Variants in UBE2E2 observed in about 807,000 individuals in gnomAD.
UBE2E2 encodes the protein ubiquitin-conjugating enzyme E2 E2.
A neutral mutation model predicts 24.7 loss-of-function variants in UBE2E2; 6 were observed. The ratio of observed to expected loss-of-function variants is 0.24; its 90% CI spans 0.13 to 0.48. UBE2E2 has a LOEUF of 0.48. Among genes scored for constraint, UBE2E2 ranks in the 20% least tolerant of loss-of-function variants. The probability of loss-of-function intolerance (pLI) is 0.99; values close to 1 mark genes in which losing one functional copy is unlikely to be tolerated. For missense variants in UBE2E2, 169 were observed against 245.0 expected, an observed-to-expected ratio of 0.69 and a Z score of 2.07; for synonymous variants, 104 against 83.6, an observed-to-expected ratio of 1.24 and a Z score of -1.33.
intron 5 of UBE2E2, among the ~76,000 whole-genome samples, chr3:23,555,480 TA>T (rs1695754992): frequency 6.6e-6 from 1 of 151,946 alleles, no homozygotes; most frequent in Admixed American, 6.6e-5. Context: ...CCTAAAGAAA[TA>T]AAAAATGGAC....
chr3:23,210,666 T>C (rs892129047), intron 2 of UBE2E2, among the ~76,000 whole-genome samples: 2 of 149,774 alleles, frequency 1.3e-5, no homozygotes, highest in Admixed American at 6.6e-5. Context: ...TTAGAGATAA[T>C]GTATGTGCAG....
intron 3 of UBE2E2, among the ~76,000 whole-genome samples, chr3:23,344,427 G>A (rs1422016968): frequency 6.6e-6 from 1 of 152,042 alleles, no homozygotes; most frequent in African/African-American, 2.4e-5. Flanking sequence ...GTAATTTGGG[G>A]CAGATTTTAT....
chr3:23,324,272 G>A (rs9849679), intron 3 of UBE2E2, among the ~76,000 whole-genome samples: 127,781 of 152,130 alleles, frequency 0.84, 53,773 homozygotes, highest in African/African-American at 0.9. Context: ...TATAAAATAC[G>A]AATTAAATTT....
intron 3 of UBE2E2, among the ~76,000 whole-genome samples, chr3:23,447,438 T>C (rs1417864150): frequency 3.3e-5 from 5 of 152,204 alleles, no homozygotes; most frequent in African/African-American, 1.2e-4. Flanking sequence ...GTGAGTTAGT[T>C]GTAGTTATGC....
At chr3:23,270,273 A>G (rs916541149) in intron 3 of UBE2E2, among the ~76,000 whole-genome samples, 12 of 149,854 alleles carry the variant, frequency 8.0e-5, no homozygotes, top group African/African-American at 1.2e-4. Flanking sequence ...TTATTTCCTG[A>G]TGCTACTCCT....
intron 3 of UBE2E2, among the ~76,000 whole-genome samples, chr3:23,355,867 CCT>C (rs1695932000): frequency 6.6e-6 from 1 of 152,196 alleles, no homozygotes; most frequent in Non-Finnish European, 1.5e-5. Context: ...TTCGTACATA[CCT>C]CTCTCTAAAT....
Position 23,278,690 on chromosome 3 carries a change from G to A in UBE2E2, c.227+61378G>A, listed in dbSNP as rs140998453. 7.5e-3 allele frequency among the ~76,000 whole-genome samples: 1,138 copies of A among 152,092 alleles called. 13 individuals are homozygous for A. Among genetic ancestry groups the A allele is most frequent in the African/African-American group, 0.026 (1,061 of 41,516 alleles). ...GCTTCCTAAATGTACCTTTCAAAACGTATTGAGCAATCATGTAACTACATT... is the reference window on the plus strand; with the variant it reads ...GCTTCCTAAATGTACCTTTCAAAACATATTGAGCAATCATGTAACTACATT... On this transcript the variant is annotated intron_variant, in intron 3 of 5. Transcript: ENST00000396703.
intron 3 of UBE2E2, among the ~76,000 whole-genome samples, chr3:23,469,239 G>A (rs1441534657): frequency 2.6e-5 from 4 of 152,124 alleles, no homozygotes; most frequent in African/African-American, 9.7e-5. Context: ...TCATATTGTT[G>A]TTAGGATTTA....
chr3:23,457,410 A>AT (rs1339102946), intron 3 of UBE2E2, among the ~76,000 whole-genome samples: 1 of 152,172 alleles, frequency 6.6e-6, no homozygotes, highest in African/African-American at 2.4e-5. Flanking sequence ...CCTAAGCTAC[A>AT]TTTTGTCTGC....
chr3:23,374,033 T>A (rs950334243), intron 3 of UBE2E2, among the ~76,000 whole-genome samples: 5 of 152,200 alleles, frequency 3.3e-5, no homozygotes, highest in African/African-American at 1.2e-4. Flanking sequence ...TACAGGATGC[T>A]TAATAGCACT....
intron 3 of UBE2E2, among the ~76,000 whole-genome samples, chr3:23,368,762 A>T (rs1182856768): frequency 6.6e-6 from 1 of 152,206 alleles, no homozygotes; most frequent in African/African-American, 2.4e-5. Flanking sequence ...TGTGGAATTT[A>T]TGAAATTGGA....
chr3:23,314,276 A>C (rs952758702), intron 3 of UBE2E2, among the ~76,000 whole-genome samples: 4 of 152,086 alleles, frequency 2.6e-5, no homozygotes, highest in Non-Finnish European at 5.9e-5. Context: ...CCAAAGGTGC[A>C]CACCACCATG....
chr3:23,527,904 T>C (rs1575686903), intron 4 of UBE2E2, among the ~76,000 whole-genome samples: 1 of 152,128 alleles, frequency 6.6e-6, no homozygotes, highest in Non-Finnish European at 1.5e-5. Context: ...TAATATATTT[T>C]ATAATAAACC....
rs1247822522 is a variant in UBE2E2 at position 23,259,907 on chromosome 3, A to G, written c.227+42595A>G. ...GGATGGAAACACATGGAATTAGATCAGTAGACTGCAAAATCCTGCTTAAGT... is the reference window on the plus strand; with the variant it reads ...GGATGGAAACACATGGAATTAGATCGGTAGACTGCAAAATCCTGCTTAAGT... On this transcript the variant is annotated intron_variant, in intron 3 of 5. Transcript: ENST00000396703. Among the ~76,000 whole-genome samples the G allele has an allele frequency of 3.9e-5, 6 of 152,250 alleles. No individual in the cohort carries two copies. The South Asian group carries it at 1.2e-3, about 31-fold the overall frequency.
intron 3 of UBE2E2, among the ~76,000 whole-genome samples, chr3:23,252,560 G>C (rs745548436): frequency 6.6e-6 from 1 of 152,102 alleles, no homozygotes; most frequent in Admixed American, 6.5e-5. Context: ...GCAGTAGCAC[G>C]ATCTCAGCTC....
chr3:23,459,592 G>T (rs1455908927), intron 3 of UBE2E2, among the ~76,000 whole-genome samples: 3 of 152,166 alleles, frequency 2.0e-5, no homozygotes, highest in African/African-American at 7.2e-5. Context: ...TGAACAGTAG[G>T]AGGGCTATAT....
intron 3 of UBE2E2, among the ~76,000 whole-genome samples, chr3:23,425,535 T>C (rs9873329): frequency 0.14 from 21,860 of 152,138 alleles, 1,776 homozygotes; most frequent in African/African-American, 0.21. Flanking sequence ...TTAGATCTGT[T>C]ATAGAAGCAA....
intron 5 of UBE2E2, among the ~76,000 whole-genome samples, chr3:23,559,144 C>A (rs906516620): frequency 6.6e-6 from 1 of 152,144 alleles, no homozygotes; most frequent in South Asian, 2.1e-4. Context: ...TGAAATTAAG[C>A]ACTGAAGCTT....
chr3:23,252,211 G>T (rs1697593656), intron 3 of UBE2E2, among the ~76,000 whole-genome samples: 1 of 152,144 alleles, frequency 6.6e-6, no homozygotes, highest in African/African-American at 2.4e-5. Flanking sequence ...CTTGATGACT[G>T]ACTGAAAATG....
Sources: gnomAD v4.1 joint callset for allele counts (sites outside exome capture counted in the v4.1 genomes callset) on GRCh38, gnomAD v4.1.1 for gene constraint, MANE v1.5 for transcripts, NCBI Gene and HGNC (gene_info 2026-07-23, HGNC 2026-07-21) for gene names.